The following SLC22A14 variants were observed in gnomAD, a reference collection of about 807,000 sequenced individuals.
SLC22A14 encodes organic cation transporter-like 4.
Under a neutral mutation model 53.9 loss-of-function variants are expected in SLC22A14, and 50 were observed. That is an observed-to-expected ratio of 0.93 (90% CI 0.74 to 1.17). The LOEUF (loss-of-function observed/expected upper bound fraction) is 1.17, where lower values mean the gene tolerates loss of function less well. Among genes scored for constraint, SLC22A14 ranks in the 50% most tolerant of loss-of-function variants. The pLI, the probability that SLC22A14 is intolerant of heterozygous loss-of-function variation, is 0.00. For synonymous variants in SLC22A14, 312 were observed against 303.0 expected, an observed-to-expected ratio of 1.03 and a Z score of -0.31; for missense variants, 671 against 734.7, an observed-to-expected ratio of 0.91 and a Z score of 1.00.
intron 8 of SLC22A14, among the ~76,000 whole-genome samples, chr3:38,314,255 T>C (rs566730347): frequency 4.6e-5 from 7 of 152,320 alleles, no homozygotes; most frequent in African/African-American, 1.7e-4. Flanking sequence ...AATGGTTACA[T>C]GTGAATAAAT....
At chr3:38,298,655 A>T (rs1431876347) in intron 1 of SLC22A14, among the ~76,000 whole-genome samples, 2 of 152,116 alleles carry the variant, frequency 1.3e-5, no homozygotes, top group African/African-American at 4.8e-5. Context: ...TCCTGGGTTC[A>T]AGCAATTCTC....
chr3:38,282,257 C>T (rs1703684652), upstream of SLC22A14: 1 of 152,776 alleles, frequency 6.5e-6, no homozygotes, highest in African/African-American at 2.4e-5. Flanking sequence ...CCTCCCCACC[C>T]CATTGTGACA....
At chr3:38,306,662 A>T in intron 2 of SLC22A14, 120 bp downstream of exon 2, 4 of 969,118 alleles carry the variant, frequency 4.1e-6, no homozygotes, top group Non-Finnish European at 6.2e-6. Context: ...CCTGAGGTCA[A>T]CCTGCAGAGG....
At chr3:38,301,002 G>T (rs1198911880) in intron 1 of SLC22A14, among the ~76,000 whole-genome samples, 1 of 151,982 alleles carries the variant, frequency 6.6e-6, no homozygotes, top group East Asian at 1.9e-4. Flanking sequence ...TTTTAGAGAT[G>T]GGGGTTGGGT....
chr3:38,302,660 G>A (rs1418492557), intron 1 of SLC22A14, among the ~76,000 whole-genome samples: 1 of 152,106 alleles, frequency 6.6e-6, no homozygotes, highest in Non-Finnish European at 1.5e-5. Flanking sequence ...CTGTCTCAAA[G>A]ATAAAACTGT....
At chr3:38,285,033 G>A (rs533611340) in intron 1 of SLC22A14, among the ~76,000 whole-genome samples, 3 of 152,336 alleles carry the variant, frequency 2.0e-5, no homozygotes, top group East Asian at 1.9e-4. Flanking sequence ...GTTGTCTGGG[G>A]TAGTGAGGAA....
At chr3:38,302,305 T>C (rs536652183) in intron 1 of SLC22A14, among the ~76,000 whole-genome samples, 204 of 145,292 alleles carry the variant, frequency 1.4e-3, no homozygotes, top group African/African-American at 4.9e-3. Flanking sequence ...TATACACATA[T>C]ATATTTATAT....
rs368447156 is a variant in SLC22A14 at position 38,306,036 on chromosome 3, G to A, written c.10G>A (p.Glu4Lys). Residue 4 changes from glutamate (E) to lysine (K), a missense_variant, in exon 2 of 11, where the codon GAG becomes AAG. Glu to Lys is a moderately conservative substitution (Grantham distance 56). Coordinates refer to ENST00000448498, the MANE Select transcript of SLC22A14 (RefSeq NM_001320033.2). ...CCCTTTCTTTGGACAGATGGCAGGA[G>A]AGGAGAACTTCAAGGAAGAGCTCAG... MAG[E>K]ENFKEELRSQ... The A allele has an allele frequency of 1.2e-6, 2 of 1,611,110 alleles. No individual in the cohort carries two copies. Among genetic ancestry groups the A allele is most frequent in the Non-Finnish European group, 1.7e-6 (2 of 1,178,216 alleles).
At chr3:38,315,189 G>T (rs916446717) in intron 8 of SLC22A14, among the ~76,000 whole-genome samples, 2 of 152,232 alleles carry the variant, frequency 1.3e-5, no homozygotes, top group African/African-American at 2.4e-5. Flanking sequence ...CTGAGCAGGG[G>T]TCCCAACCCA....
chr3:38,305,907 G>C, intron 1 of SLC22A14, 120 bp from the exon 2 acceptor site: 1 of 955,820 alleles, frequency 1.0e-6, no homozygotes, highest in Non-Finnish European at 1.6e-6. Context: ...AGAACGTCAA[G>C]GTTGGAATCC....
At chr3:38,298,932 T>TAGA (rs1704102038) in intron 1 of SLC22A14, among the ~76,000 whole-genome samples, 1 of 152,206 alleles carries the variant, frequency 6.6e-6, no homozygotes. Context: ...ACTTATTTGC[T>TAGA]TAAATATTAT....
At position 38,307,807 on chromosome 3, in the gene SLC22A14, G is replaced by T. The variant is rs1704352950; in HGVS notation, c.775+87G>T. 1.4e-6 allele frequency: 2 copies of T among 1,474,224 alleles called. No individual in the cohort carries two copies. Among genetic ancestry groups the T allele is most frequent in the Admixed American group, 3.5e-5 (2 of 57,966 alleles). 91.3% of individuals were successfully genotyped at this position (1,474,224 alleles called of 1,614,324 possible). The stretch of plus-strand genomic sequence containing the variant: ...TGACAAGGGGACATAGTGGCAGGGG[G>T]CGTGGCGGCATAGGCAGATGGCAAG... On this transcript the variant is annotated intron_variant, in intron 4 of 10. Transcript: ENST00000448498. The surrounding 1 kb of genome is among the most constrained non-coding windows in gnomAD (Gnocchi z 4.4).
intron 1 of SLC22A14, among the ~76,000 whole-genome samples, chr3:38,287,786 C>T (rs1428244629): frequency 1.3e-5 from 2 of 152,166 alleles, no homozygotes; most frequent in Non-Finnish European, 2.9e-5. Context: ...TGTGTTGAAT[C>T]TACAGATCAA....
chr3:38,318,269 AT>A lies in SLC22A14; in HGVS notation c.*22del, dbSNP rs1241540355. 1.2e-6 allele frequency: 2 copies of A among 1,608,262 alleles called. No homozygotes were observed. Among genetic ancestry groups the A allele is most frequent in the Non-Finnish European group, 8.5e-7 (1 of 1,174,592 alleles). Reference sequence around the variant, plus strand: ...GTCTGAGGAAGCGGCCAAGAATGTCATTCTCAATGCCCAGATCCTGAGATTG... The same window carrying A: ...GTCTGAGGAAGCGGCCAAGAATGTCATCTCAATGCCCAGATCCTGAGATTG... On this transcript the variant is annotated 3_prime_UTR_variant, in exon 11 of 11. Transcript: ENST00000448498.
chr3:38,310,113 C>T (rs986002917), intron 5 of SLC22A14, among the ~76,000 whole-genome samples: 3 of 152,192 alleles, frequency 2.0e-5, no homozygotes, highest in African/African-American at 4.8e-5. Context: ...CGCAGTGGCT[C>T]ATGCCTGTAA....
At chr3:38,305,821 A>G in intron 1 of SLC22A14, 1 of 573,724 alleles carries the variant, frequency 1.7e-6, no homozygotes, top group Non-Finnish European at 3.1e-6. Context: ...AATCTCAATT[A>G]CACTAAAACT....
At chr3:38,286,130 T>C (rs750251760) in intron 1 of SLC22A14, among the ~76,000 whole-genome samples, 1 of 152,124 alleles carries the variant, frequency 6.6e-6, no homozygotes, top group South Asian at 2.1e-4. Flanking sequence ...TAATCCCAGC[T>C]ACTTGGGAGG....
At chr3:38,305,637 T>TCGG in intron 1 of SLC22A14, 5 of 174,016 alleles carry the variant, frequency 2.9e-5, no homozygotes, top group Admixed American at 5.6e-5. Flanking sequence ...GATGCAGATC[T>TCGG]TTGTTTGTTT....
chr3:38,315,064 G>A (rs953839082), intron 8 of SLC22A14, among the ~76,000 whole-genome samples: 2 of 152,234 alleles, frequency 1.3e-5, no homozygotes, highest in Non-Finnish European at 2.9e-5. Flanking sequence ...CATTGTGCCT[G>A]TCTAGCTGGC....
Sources: allele counts gnomAD v4.1 joint callset (sites outside exome capture counted in the v4.1 genomes callset), GRCh38; gene constraint gnomAD v4.1.1; non-coding constraint Gnocchi (gnomAD v3.1); transcripts MANE v1.5; gene names NCBI Gene and HGNC (gene_info 2026-07-23, HGNC 2026-07-21).